The following KIF13B variants were observed in gnomAD, a reference collection of about 807,000 sequenced individuals.
KIF13B encodes the protein kinesin-like protein KIF13B.
Under a neutral mutation model 222.0 loss-of-function variants are expected in KIF13B, and 127 were observed. The ratio of observed to expected loss-of-function variants is 0.57; its 90% CI spans 0.50 to 0.66. The LOEUF (loss-of-function observed/expected upper bound fraction) is 0.66. Ranked by LOEUF, KIF13B falls within the 30% of genes least tolerant of loss-of-function variation. KIF13B has a pLI of 0.00. For synonymous variants in KIF13B, 976 were observed against 919.0 expected (o/e 1.06, Z -1.12); for missense variants, 2,173 against 2,379.0 (o/e 0.91, Z 1.80).
At chr8:29,104,005 C>A (rs1035793253) in intron 35 of KIF13B, among the ~76,000 whole-genome samples, 1 of 152,186 alleles carries the variant, frequency 6.6e-6, no homozygotes. Context: ...CCCATCCTCA[C>A]CCCATGCTGT....
At chr8:29,245,951 A>G (rs1334307843) in intron 1 of KIF13B, among the ~76,000 whole-genome samples, 1 of 152,246 alleles carries the variant, frequency 6.6e-6, no homozygotes, top group Admixed American at 6.5e-5. Flanking sequence ...AAATATCAAA[A>G]TACTTAGGAA....
intron 2 of KIF13B, among the ~76,000 whole-genome samples, chr8:29,224,524 T>A (rs1006374096): frequency 7.9e-5 from 12 of 152,234 alleles, no homozygotes; most frequent in African/African-American, 2.9e-4. Context: ...CAGCTGTGAT[T>A]TGTATTGGTG....
At chr8:29,170,542 C>T (rs1007401958) in intron 10 of KIF13B, among the ~76,000 whole-genome samples, 1 of 152,058 alleles carries the variant, frequency 6.6e-6, no homozygotes, top group Non-Finnish European at 1.5e-5. Context: ...GAAAGTGACA[C>T]TTGAGACCCA....
intron 2 of KIF13B, among the ~76,000 whole-genome samples, chr8:29,219,867 A>T (rs1296541876): frequency 6.6e-6 from 1 of 152,220 alleles, no homozygotes; most frequent in Non-Finnish European, 1.5e-5. Context: ...ATTCAAGACC[A>T]GCCTGGGGAA....
At chr8:29,132,167 T>C (rs2058809904) in intron 23 of KIF13B, 141 bp downstream of exon 23, 2 of 473,316 alleles carry the variant, frequency 4.2e-6, no homozygotes, top group South Asian at 1.4e-4. Context: ...AATTGCTTAC[T>C]CCCAGGAGGC....
In KIF13B at chr8:29,165,792, T is replaced by A. The variant is rs572854365; in HGVS notation, c.1159-20A>T. ...CATTGCCTACAAGCAAAATGTTTAC[T>A]TCATGAAATGTCTAGAAGATGCCCT... On this transcript the variant is annotated intron_variant, in intron 11 of 39. Transcript: ENST00000524189. 1 of 1,538,010 alleles carries A rather than the reference T, an allele frequency of 6.5e-7. No homozygotes were observed. Among genetic ancestry groups the A allele is most frequent in the African/African-American group, 1.4e-5 (1 of 73,288 alleles).
Position 29,070,144 on chromosome 8 carries a change from G to A in KIF13B, c.*360C>T, listed in dbSNP as rs538545523. Reference sequence around the variant, plus strand: ...TATGGTTTAGGTTAAGACATTAGTGGGGCCACCAGAATGGAAATGATAGAA... The same window carrying A: ...TATGGTTTAGGTTAAGACATTAGTGAGGCCACCAGAATGGAAATGATAGAA... On this transcript the variant is annotated 3_prime_UTR_variant, in exon 40 of 40. Coordinates refer to ENST00000524189, the MANE Select transcript of KIF13B (RefSeq NM_015254.4). This position sits in a 1 kb window ranked among gnomAD's most constrained non-coding sequence, Gnocchi z 4.1. 4 of 301,920 alleles carry A rather than the reference G, an allele frequency of 1.3e-5. No individual in the cohort carries two copies. The South Asian group carries it at 1.4e-4, about 11-fold the overall frequency. 18.7% of individuals were successfully genotyped at this position (301,920 alleles called of 1,614,324 possible). A position where few individuals can be genotyped will look rare whatever the true frequency, so the allele number is the denominator to read the frequency against.
intron 1 of KIF13B, among the ~76,000 whole-genome samples, chr8:29,246,728 G>A (rs977413152): frequency 6.6e-6 from 1 of 152,216 alleles, no homozygotes; most frequent in Admixed American, 6.5e-5. Flanking sequence ...TCAAGTCAGT[G>A]CAGTACTTAC....
At chr8:29,183,184 T>C (rs1812789408) in intron 6 of KIF13B, among the ~76,000 whole-genome samples, 2 of 150,100 alleles carry the variant, frequency 1.3e-5, no homozygotes, top group Admixed American at 1.3e-4. Flanking sequence ...TTTTTTTTTT[T>C]TTTCCAATGG....
At chr8:29,160,308 TTC>T (rs1253482134) in intron 13 of KIF13B, among the ~76,000 whole-genome samples, 20 of 152,350 alleles carry the variant, frequency 1.3e-4, no homozygotes, top group African/African-American at 4.6e-4. Context: ...AAACATAAAT[TTC>T]ATACCAACTG....
intron 24 of KIF13B, among the ~76,000 whole-genome samples, chr8:29,127,689 AC>A (rs1810175178): frequency 6.6e-6 from 1 of 152,238 alleles, no homozygotes; most frequent in African/African-American, 2.4e-5. Context: ...ACAATTTCAT[AC>A]ACTGTAAGTG....
rs540427751 is a variant in KIF13B at position 29,245,384 on chromosome 8, A to G, written c.111T>C (p.Leu37=). The G allele has an allele frequency of 1.2e-6, 2 of 1,603,328 alleles. No individual in the cohort carries two copies. Among genetic ancestry groups the G allele is most frequent in the Admixed American group, 1.7e-5 (1 of 58,684 alleles). ...TGGAAAGATTCGTATTTACAGGATT[A>G]AGAATAACCTTGTTTGCATCCACAT... ...VVDVDANKVI[L]NPVNTNLSKG... is the part of the protein sequence containing the mutation. Residue 37 remains leucine, a synonymous_variant, in exon 2 of 40, where the codon CTT becomes CTC. Coordinates refer to ENST00000524189, the MANE Select transcript of KIF13B (RefSeq NM_015254.4).
intron 29 of KIF13B, among the ~76,000 whole-genome samples, 163 bp downstream of exon 29, chr8:29,122,428 A>T (rs905172912): frequency 1.3e-5 from 2 of 152,198 alleles, no homozygotes; most frequent in Non-Finnish European, 2.9e-5. Context: ...AGACTATGAC[A>T]CACCAATCAG....
Position 29,187,656 on chromosome 8 carries a change from C to T in KIF13B, c.316+859G>A, listed in dbSNP as rs150066415. 2.9e-3 allele frequency among the ~76,000 whole-genome samples: 438 copies of T among 152,354 alleles called. 4 individuals carry two copies. The highest frequency in any genetic ancestry group is 6.8e-3 in the Middle Eastern group (2 of 294). On this transcript the variant is annotated intron_variant, in intron 5 of 39. Coordinates refer to ENST00000524189, the MANE Select transcript of KIF13B (RefSeq NM_015254.4). ...CTGCCCGAAAACCAGTAACTACTGA[C>T]ACTTAAGTATAATTCCTTCTGTTTT...
intron 2 of KIF13B, among the ~76,000 whole-genome samples, chr8:29,224,700 A>G (rs1814939951): frequency 1.3e-5 from 2 of 148,754 alleles, no homozygotes; most frequent in Non-Finnish European, 3.0e-5. Flanking sequence ...AAGAATCCCT[A>G]TTCTAGAGCA....
In KIF13B at chr8:29,190,896, A is replaced by G. The variant is rs536600812; in HGVS notation, c.223+101T>C. ...TTATTGTGGTGTGACAGCAGAGGAA[A>G]CACACAGTTTGGGGGGTTTGCCAAG... On this transcript the variant is annotated intron_variant, in intron 4 of 39. Transcript: ENST00000524189. 6.7e-4 allele frequency: 588 copies of G among 873,580 alleles called. 4 individuals carry two copies. Among genetic ancestry groups the G allele is most frequent in the South Asian group, 5.1e-3 (387 of 75,924 alleles). The allele number at this position is 873,580 out of a possible 1,614,324, so 54.1% of individuals were successfully genotyped here.
rs776555348 is a variant in KIF13B, at chr8:29,117,027, G to A, written c.3661-20C>T. 7.8e-6 allele frequency: 12 copies of A among 1,532,878 alleles called. No homozygotes were observed. The highest frequency in any genetic ancestry group is 9.7e-6 in the Non-Finnish European group (11 of 1,133,216). 95.0% of individuals were successfully genotyped at this position (1,532,878 alleles called of 1,614,324 possible). A position where few individuals can be genotyped will look rare whatever the true frequency, so the allele number is the denominator to read the frequency against. On this transcript the variant is annotated intron_variant, in intron 30 of 39. Coordinates refer to ENST00000524189, the MANE Select transcript of KIF13B (RefSeq NM_015254.4). ...TTTCACCTGGAGAGAAGACAGAGAG[G>A]AAACAGGTTTCTCTCTTCTCCAGAA...
In KIF13B at chr8:29,070,770, C is replaced by T. The variant is rs775714029; in HGVS notation, c.5219-4G>A. ...CCGATGGAACCGTCATTCTTACCTG[C>T]GGGGGAAGGAGAGGGTGATATGGAG... On this transcript the variant is annotated splice_polypyrimidine_tract_variant and splice_region_variant and intron_variant, in intron 39 of 39. Coordinates refer to ENST00000524189, the MANE Select transcript of KIF13B (RefSeq NM_015254.4). The surrounding 1 kb of genome is among the most constrained non-coding windows in gnomAD (Gnocchi z 4.1). 28 of 1,586,330 alleles carry T rather than the reference C, an allele frequency of 1.8e-5. No individual in the cohort carries two copies. The highest frequency in any genetic ancestry group is 1.7e-4 in the Middle Eastern group (1 of 6,048).
In KIF13B at chr8:29,160,845, C is replaced by T. The variant is rs764779364; in HGVS notation, c.1292G>A (p.Ser431Asn). 1 of 1,613,482 alleles carries T rather than the reference C, an allele frequency of 6.2e-7. No homozygotes were observed. Among genetic ancestry groups the T allele is most frequent in the Admixed American group, 1.7e-5 (1 of 59,986 alleles). Residue 431 changes from serine (S) to asparagine (N), a missense_variant, in exon 13 of 40, where the codon AGT (serine) becomes AAT (asparagine). By Grantham distance (46) the Ser-to-Asn change is conservative (BLOSUM62 1). Around this residue, in one of 2 missense-constraint regions of KIF13B, gnomAD observed 1,480 missense variants for 1,722.8 expected, o/e 0.86. Coordinates refer to ENST00000524189, the MANE Select transcript of KIF13B (RefSeq NM_015254.4). ...CGAAGACTGAAGAGATATTCCAAGA[C>T]TCTCAAGCTGTTTCTGTCGTTCCTG... ...IAQERQKQLE[S>N]LGISLQSSGI...
Sources: gnomAD v4.1 joint callset for allele counts (sites outside exome capture counted in the v4.1 genomes callset) on GRCh38, gnomAD v4.1.1 for gene constraint, gnomAD v4.1.1 regional missense constraint, Gnocchi (gnomAD v3.1) non-coding constraint, MANE v1.5 for transcripts, NCBI Gene and HGNC (gene_info 2026-07-23, HGNC 2026-07-21) for gene names.